Variants in PCDHGA5 observed in about 807,000 individuals in gnomAD.
The protein encoded by PCDHGA5 is protocadherin gamma-A5.
Under a neutral mutation model 56.7 loss-of-function variants are expected in PCDHGA5, and 36 were observed. That is an observed-to-expected ratio of 0.64 (90% CI 0.49 to 0.84). The LOEUF (loss-of-function observed/expected upper bound fraction) is 0.84. PCDHGA5 is among the 40% of genes least tolerant of loss of function. The pLI, the probability that PCDHGA5 is intolerant of heterozygous loss-of-function variation, is 0.00. For synonymous variants in PCDHGA5, 563 were observed against 520.2 expected (o/e 1.08, Z -1.12); for missense variants, 1,305 against 1,201.5 (o/e 1.09, Z -1.27).
intron 1 of PCDHGA5, among the ~76,000 whole-genome samples, chr5:141,435,651 C>T (rs762264332): frequency 1.4e-4 from 22 of 152,044 alleles, no homozygotes; most frequent in Non-Finnish European, 2.9e-4. Flanking sequence ...ATTTCTGAAA[C>T]GTGCACAGAT....
chr5:141,459,406 A>C (rs2098967498), intron 1 of PCDHGA5, among the ~76,000 whole-genome samples: 1 of 152,218 alleles, frequency 6.6e-6, no homozygotes, highest in Admixed American at 6.5e-5. Flanking sequence ...GCAGTATTGC[A>C]TTGTGTGGAT....
At position 141,486,543 on chromosome 5, in the gene PCDHGA5, A is replaced by G; in HGVS notation, c.2422-8264A>G. Reference sequence around the variant, plus strand: ...AATGATAATCCACCCTCTTTCTTTCAGAGGTCACATGAGGTGTTTGTTCCT... The same window carrying G: ...AATGATAATCCACCCTCTTTCTTTCGGAGGTCACATGAGGTGTTTGTTCCT... On this transcript the variant is annotated intron_variant, in intron 1 of 3. Transcript: ENST00000518069. This position sits in a 1 kb window ranked among gnomAD's most constrained non-coding sequence, Gnocchi z 5.0. 6.2e-7 allele frequency: 1 copy of G among 1,614,080 alleles called. No individual in the cohort carries two copies. Among genetic ancestry groups the G allele is most frequent in the Non-Finnish European group, 8.5e-7 (1 of 1,180,020 alleles).
chr5:141,496,160 G>C (rs1428576442), intron 2 of PCDHGA5, among the ~76,000 whole-genome samples: 2 of 151,600 alleles, frequency 1.3e-5, no homozygotes, highest in Admixed American at 6.6e-5. Flanking sequence ...CTCTCCACCA[G>C]ACACCCTCCC....
chr5:141,405,059 G>A (rs374581472), intron 1 of PCDHGA5: 22 of 1,613,900 alleles, frequency 1.4e-5, no homozygotes, highest in Non-Finnish European at 1.9e-5. Flanking sequence ...CGTCTCCTGT[G>A]TCTTCCTCAC....
At position 141,365,990 on chromosome 5, in the gene PCDHGA5, G is replaced by T; in HGVS notation, c.1660G>T (p.Asp554Tyr). Residue 554 changes from aspartate to tyrosine, a missense_variant, in exon 1 of 4, where the codon GAC (aspartate) becomes TAC (tyrosine). By Grantham distance (160) the Asp-to-Tyr change is radical. Transcript: ENST00000518069. The stretch of plus-strand genomic sequence containing the variant: ...CGTGTCGCTGAGCCTGTTTGTGCTG[G>T]ACCAGAACGACAATACGCCTGAGAT... ...SNVSLSLFVL[D>Y]QNDNTPEILY... 1 of 1,614,216 alleles carries T rather than the reference G, an allele frequency of 6.2e-7. No individual in the cohort carries two copies. Among genetic ancestry groups the T allele is most frequent in the Non-Finnish European group, 8.5e-7 (1 of 1,180,038 alleles).
intron 2 of PCDHGA5, among the ~76,000 whole-genome samples, chr5:141,501,075 A>C (rs980856799): frequency 6.6e-6 from 1 of 151,366 alleles, no homozygotes; most frequent in African/African-American, 2.4e-5. Context: ...CACCATGTTG[A>C]CCAGGATGGT....
In PCDHGA5 at chr5:141,476,178, T is replaced by G; in HGVS notation, c.2422-18629T>G. Reference sequence around the variant, plus strand: ...ACCGGGAGGGTAGTGGGAGTTTTGCTTCTGCTTGGTGCCTTGAACAAGGCT... The same window carrying G: ...ACCGGGAGGGTAGTGGGAGTTTTGCGTCTGCTTGGTGCCTTGAACAAGGCT... On this transcript the variant is annotated intron_variant, in intron 1 of 3. Transcript: ENST00000518069. This position sits in a 1 kb window ranked among gnomAD's most constrained non-coding sequence, Gnocchi z 7.6. The G allele has an allele frequency of 3.1e-6, 5 of 1,613,632 alleles. No homozygotes were observed. Among genetic ancestry groups the G allele is most frequent in the Non-Finnish European group, 4.2e-6 (5 of 1,180,000 alleles).
chr5:141,426,753 A>G (rs1360041118), intron 1 of PCDHGA5: 3 of 456,298 alleles, frequency 6.6e-6, no homozygotes, highest in East Asian at 7.0e-5. Flanking sequence ...GGAATCTGCT[A>G]TAGATGCAGA....
chr5:141,394,239 G>T (rs530540432), intron 1 of PCDHGA5: 1 of 1,613,750 alleles, frequency 6.2e-7, no homozygotes, highest in Non-Finnish European at 8.5e-7. Flanking sequence ...TTCCTTGACT[G>T]CACACGACCC....
intron 1 of PCDHGA5, chr5:141,385,616 A>G: frequency 1.8e-6 from 2 of 1,098,642 alleles, no homozygotes; most frequent in Non-Finnish European, 2.3e-6. Context: ...TATATTTTAT[A>G]CATTGGAATG....
chr5:141,467,897 A>G (rs1403276382), intron 1 of PCDHGA5, among the ~76,000 whole-genome samples: 1 of 152,056 alleles, frequency 6.6e-6, no homozygotes, highest in Non-Finnish European at 1.5e-5. Flanking sequence ...GAGCTCAAGA[A>G]ATCCGCCCAC....
intron 1 of PCDHGA5, among the ~76,000 whole-genome samples, chr5:141,449,588 C>CA (rs768743917): frequency 0.036 from 2,064 of 56,756 alleles, 20 homozygotes; most frequent in Middle Eastern, 0.06. Context: ...GACTCTGTCT[C>CA]AAAAAAAAAA....
intron 1 of PCDHGA5, chr5:141,423,925 T>C (rs17097293): frequency 0.23 from 286,429 of 1,244,544 alleles, 36,355 homozygotes; most frequent in African/African-American, 0.51. Flanking sequence ...ACTATGCTGG[T>C]TTGGTTTGAA....
chr5:141,393,533 G>T (rs1475648389), intron 1 of PCDHGA5: 2 of 1,613,950 alleles, frequency 1.2e-6, no homozygotes, highest in South Asian at 1.1e-5. Flanking sequence ...ACAATGCCCC[G>T]GTTTTTCCTC....
intron 1 of PCDHGA5, among the ~76,000 whole-genome samples, chr5:141,450,223 G>A (rs1458841129): frequency 2.0e-5 from 3 of 151,818 alleles, no homozygotes; most frequent in Non-Finnish European, 4.4e-5. Context: ...TCACTATGTT[G>A]GCCAGGCTAG....
At chr5:141,375,348 T>A in intron 1 of PCDHGA5, 1 of 1,613,870 alleles carries the variant, frequency 6.2e-7, no homozygotes, top group Non-Finnish European at 8.5e-7. Flanking sequence ...AACATCACTG[T>A]GACAGCCACG....
At chr5:141,467,352 C>A (rs2099142466) in intron 1 of PCDHGA5, among the ~76,000 whole-genome samples, 1 of 152,140 alleles carries the variant, frequency 6.6e-6, no homozygotes, top group South Asian at 2.1e-4. Context: ...TGCCCCCGGC[C>A]AAATCAACGT....
rs1763590066 is a variant in PCDHGA5 at position 141,364,876 on chromosome 5, G to C, written c.546G>C (p.Val182=). 6.2e-7 allele frequency: 1 copy of C among 1,613,964 alleles called. No homozygotes were observed. Residue 182 remains valine, a synonymous_variant, in exon 1 of 4, where the codon GTG becomes GTC. Transcript: ENST00000518069. ...LSSNLHFSLD[V]VSGTDGQKYP... ...CCAATCTGCACTTCTCTCTGGATGTGGTAAGCGGAACTGATGGACAAAAGT... is the reference window on the plus strand; with the variant it reads ...CCAATCTGCACTTCTCTCTGGATGTCGTAAGCGGAACTGATGGACAAAAGT...
chr5:141,477,639 G>T lies in PCDHGA5; in HGVS notation c.2422-17168G>T, dbSNP rs2099414883. ...GGAGCTGAAACCGGGCTAGTGGGTCGCTATTTCACAATAAATCGTGACAAT... is the reference window on the plus strand; with the variant it reads ...GGAGCTGAAACCGGGCTAGTGGGTCTCTATTTCACAATAAATCGTGACAAT... On this transcript the variant is annotated intron_variant, in intron 1 of 3. Transcript: ENST00000518069. The surrounding 1 kb of genome is among the most constrained non-coding windows in gnomAD (Gnocchi z 4.9). 3.1e-6 allele frequency: 5 copies of T among 1,614,004 alleles called. No homozygotes were observed. Among genetic ancestry groups the T allele is most frequent in the Non-Finnish European group, 4.2e-6 (5 of 1,180,034 alleles).
Sources: allele counts gnomAD v4.1 joint callset (sites outside exome capture counted in the v4.1 genomes callset), GRCh38; gene constraint gnomAD v4.1.1; non-coding constraint Gnocchi (gnomAD v3.1); transcripts MANE v1.5; gene names NCBI Gene and HGNC (gene_info 2026-07-23, HGNC 2026-07-21).